The following C2orf49 variants were observed in gnomAD, a reference collection of about 807,000 sequenced individuals.
The protein encoded by C2orf49 is tRNA-splicing ligase complex subunit ASW.
In C2orf49, 11 loss-of-function variants were observed where a neutral mutation model predicts 20.6. The observed-to-expected ratio is 0.53, with a 90% CI of 0.34 to 0.88. C2orf49 has a LOEUF of 0.88. C2orf49 is among the 40% of genes least tolerant of loss of function. C2orf49 has a pLI of 0.02. For missense variants in C2orf49, 289 were observed against 274.2 expected (o/e 1.05, Z -0.38); for synonymous variants, 134 against 108.5 (o/e 1.24, Z -1.46).
At chr2:105,371,576 C>CTCTCTCTCTCTCT in the C2orf49 span, among the ~76,000 whole-genome samples, 9 of 150,770 alleles carry the variant, frequency 6.0e-5, no homozygotes, top group South Asian at 2.1e-4. Context: ...CTCTCTCTCT[C>CTCTCTCTCTCTCT]CTTATGTATG....
intron 2 of C2orf49, among the ~76,000 whole-genome samples, chr2:105,341,463 C>T (rs1005006787): frequency 1.3e-5 from 2 of 152,180 alleles, no homozygotes; most frequent in East Asian, 3.8e-4. Context: ...GTAACATGCC[C>T]AAGGTCACAC....
In C2orf49 at chr2:105,337,607, G is replaced by A. The variant is rs1032327085; in HGVS notation, c.20G>A (p.Gly7Asp). 2.5e-6 allele frequency: 4 copies of A among 1,612,842 alleles called. No individual in the cohort carries two copies. Among genetic ancestry groups the A allele is most frequent in the African/African-American group, 1.3e-5 (1 of 74,788 alleles). ...ACGACCATGGCGGGGGATGTGGGCG[G>A]TCGCAGCTGCACGGACTCGGAACTG... The part of the protein sequence containing the change: MAGDVG[G>D]RSCTDSELLL... Residue 7 changes from glycine to aspartate, a missense_variant, in exon 1 of 4, where the codon GGT becomes GAT. Transcript: ENST00000258457.
chr2:105,382,433 T>TA, the C2orf49 span, among the ~76,000 whole-genome samples: 1 of 152,232 alleles, frequency 6.6e-6, no homozygotes, highest in African/African-American at 2.4e-5. Flanking sequence ...GGGCTCAAAT[T>TA]GTACCTCGGA....
rs1679704139 is a variant in C2orf49, at chr2:105,342,755, C to CT, written c.267-88dup. ...TCTCAGATTAGTCTTATCAGAAAAT[C>CT]TTTTTGTTTACTGCTTATTTTAACT... On this transcript the variant is annotated intron_variant, in intron 2 of 3. Transcript: ENST00000258457. 1.4e-5 allele frequency: 18 copies of CT among 1,333,126 alleles called. No homozygotes were observed. The South Asian group carries it at 2.8e-4, about 21-fold the overall frequency. 82.6% of individuals were successfully genotyped at this position (1,333,126 alleles called of 1,614,324 possible).
the C2orf49 span, among the ~76,000 whole-genome samples, chr2:105,370,577 G>T: frequency 1.3e-5 from 2 of 152,128 alleles, no homozygotes; most frequent in African/African-American, 2.4e-5. Context: ...GACTTGTGTG[G>T]GGGGTGTGGA....
At chr2:105,360,579 A>T in the C2orf49 span, 1 of 152,372 alleles carries the variant, frequency 6.6e-6, no homozygotes, top group Non-Finnish European at 1.5e-5. Flanking sequence ...GATGGTCTTG[A>T]TCTCCTGACC....
chr2:105,345,473 TC>T lies in C2orf49; in HGVS notation c.*103del. 2.1e-6 allele frequency: 2 copies of T among 937,332 alleles called. No individual in the cohort carries two copies. The highest frequency in any genetic ancestry group is 3.3e-6 in the Non-Finnish European group (2 of 611,650). 58.1% of individuals were successfully genotyped at this position (937,332 alleles called of 1,614,324 possible). A position where few individuals can be genotyped will look rare whatever the true frequency, so the allele number is the denominator to read the frequency against. On this transcript the variant is annotated 3_prime_UTR_variant, in exon 4 of 4. Coordinates refer to ENST00000258457, the MANE Select transcript of C2orf49 (RefSeq NM_024093.3). ...AGAAATCCTGATTATTGTGGAATTT[TC>T]TTAAGAGGTTTCAAATAGGTTTAAA...
the C2orf49 span, chr2:105,363,254 C>A: frequency 6.2e-7 from 1 of 1,609,110 alleles, no homozygotes; most frequent in East Asian, 2.2e-5. Context: ...CTTCCAATCG[C>A]CCCTGGAAAT....
Position 105,339,714 on chromosome 2 carries a change from A to G in C2orf49, c.231A>G (p.Lys77=). The G allele has an allele frequency of 6.2e-7, 1 of 1,605,418 alleles. No homozygotes were observed. The highest frequency in any genetic ancestry group is 8.5e-7 in the Non-Finnish European group (1 of 1,178,318). Residue 77 remains lysine (K), a synonymous_variant, in exon 2 of 4, where the codon AAA becomes AAG. Transcript: ENST00000258457. The part of the protein sequence containing the change: ...KNRWGKMMEK[K]REQHEIKNET... The stretch of plus-strand genomic sequence containing the variant: ...GATGGGGGAAAATGATGGAAAAGAA[A>G]AGAGAACAACATGAGATTAAAAATG...
the C2orf49 span, among the ~76,000 whole-genome samples, chr2:105,384,727 C>T: frequency 2.0e-5 from 3 of 152,336 alleles, no homozygotes; most frequent in East Asian, 1.9e-4. Context: ...AGGCTGGTCT[C>T]GAACTCCCGG....
the C2orf49 span, chr2:105,361,136 T>C: frequency 1.4e-5 from 11 of 787,916 alleles, no homozygotes; most frequent in Non-Finnish European, 2.2e-5. Flanking sequence ...CACTAAAGGG[T>C]TTAAGCAAAC....
intron 1 of C2orf49, among the ~76,000 whole-genome samples, chr2:105,339,270 A>G (rs1306457883): frequency 6.6e-6 from 1 of 152,120 alleles, no homozygotes. Flanking sequence ...GCAGTCTCCC[A>G]TTTTCAATCC....
the C2orf49 span, chr2:105,376,233 C>T: frequency 6.6e-6 from 1 of 152,208 alleles, no homozygotes; most frequent in Non-Finnish European, 1.5e-5. Flanking sequence ...AGCCAAGCTT[C>T]GAGCTCAAGT....
At chr2:105,373,599 G>A in the C2orf49 span, 33 of 1,614,112 alleles carry the variant, frequency 2.0e-5, no homozygotes, top group East Asian at 1.8e-4. Flanking sequence ...ACTTGGATGA[G>A]TACTCGTTGG....
the C2orf49 span, among the ~76,000 whole-genome samples, chr2:105,381,082 G>A: frequency 6.6e-6 from 1 of 152,154 alleles, no homozygotes; most frequent in Non-Finnish European, 1.5e-5. Context: ...GGGTCACCCA[G>A]ACTGAAACGT....
chr2:105,371,336 C>T, the C2orf49 span, among the ~76,000 whole-genome samples: 1 of 152,132 alleles, frequency 6.6e-6, no homozygotes. Context: ...GCCTTAGGGG[C>T]AAAGACTAAG....
chr2:105,380,015 T>C, the C2orf49 span, among the ~76,000 whole-genome samples: 1 of 152,236 alleles, frequency 6.6e-6, no homozygotes, highest in Non-Finnish European at 1.5e-5. Context: ...TTTAGAAGTC[T>C]GAGTCAAGTT....
the C2orf49 span, chr2:105,373,587 G>A: frequency 6.2e-7 from 1 of 1,614,228 alleles, no homozygotes; most frequent in Non-Finnish European, 8.5e-7. Flanking sequence ...TGCATTCCTG[G>A]CACTTGGATG....
chr2:105,345,449 G>A lies in C2orf49; in HGVS notation c.*78G>A. 1 of 1,123,892 alleles carries A rather than the reference G, an allele frequency of 8.9e-7. No individual in the cohort carries two copies. Among genetic ancestry groups the A allele is most frequent in the Admixed American group, 2.2e-5 (1 of 45,020 alleles). The allele number at this position is 1,123,892 out of a possible 1,614,324, so 69.6% of individuals were successfully genotyped here. On this transcript the variant is annotated 3_prime_UTR_variant, in exon 4 of 4. Coordinates refer to ENST00000258457, the MANE Select transcript of C2orf49 (RefSeq NM_024093.3). ...TTCATATATATTGACAATATTTACA[G>A]AAATCCTGATTATTGTGGAATTTTC... is the stretch of plus-strand genomic sequence containing the variant.
Sources: allele counts gnomAD v4.1 joint callset (sites outside exome capture counted in the v4.1 genomes callset), GRCh38; gene constraint gnomAD v4.1.1; transcripts MANE v1.5; gene names NCBI Gene and HGNC (gene_info 2026-07-23, HGNC 2026-07-21).